The following TENM1 variants were observed in gnomAD, a reference collection of about 807,000 sequenced individuals.
TENM1 encodes the protein teneurin transmembrane protein 1, also known as teneurin-1.
Under a neutral mutation model 174.8 loss-of-function variants are expected in TENM1, and 35 were observed. That is an observed-to-expected ratio of 0.20 (90% CI 0.15 to 0.27). TENM1 has a LOEUF of 0.27. Ranked by LOEUF, TENM1 falls within the 10% of genes least tolerant of loss-of-function variation. The pLI is 1.00. For synonymous variants in TENM1, 781 were observed against 798.7 expected, an observed-to-expected ratio of 0.98 and a Z score of 0.37; for missense variants, 1,633 against 2,130.1, an observed-to-expected ratio of 0.77 and a Z score of 4.59.
At chrX:124,674,595 G>A (rs781514144) in intron 5 of TENM1, among the ~76,000 whole-genome samples, 3 of 111,412 alleles carry the variant, frequency 2.7e-5, no homozygotes, top group Middle Eastern at 4.7e-3. Context: ...GCTGCCTGAT[G>A]AATTTCTCTT....
chrX:124,833,660 A>T (rs1256585477), intron 3 of TENM1, among the ~76,000 whole-genome samples: 1 of 111,446 alleles, frequency 9.0e-6, no homozygotes, highest in Non-Finnish European at 1.9e-5. Flanking sequence ...TACACAAATA[A>T]TATTGTATAC....
At chrX:125,088,058 G>C in the TENM1 span, among the ~76,000 whole-genome samples, 1 of 110,915 alleles carries the variant, frequency 9.0e-6, no homozygotes, top group Non-Finnish European at 1.9e-5. Flanking sequence ...CCCTCTACCA[G>C]GTGATCTAAG....
chrX:124,921,678 G>A (rs958406555), intron 1 of TENM1, among the ~76,000 whole-genome samples: 1 of 110,886 alleles, frequency 9.0e-6, no homozygotes, highest in African/African-American at 3.3e-5. Flanking sequence ...TCTGGATCTT[G>A]TTAGTCCTCC....
the TENM1 span, among the ~76,000 whole-genome samples, chrX:125,051,256 T>C: frequency 9.0e-6 from 1 of 111,207 alleles, no homozygotes; most frequent in African/African-American, 3.3e-5. Context: ...AATATGAAAA[T>C]GGCCATGCTG....
the TENM1 span, among the ~76,000 whole-genome samples, chrX:125,001,914 G>C: frequency 6.0e-5 from 4 of 66,529 alleles, no homozygotes; most frequent in African/African-American, 5.9e-5. Context: ...CAGTCCATCT[G>C]TCTAGAGAGA....
intron 15 of TENM1, among the ~76,000 whole-genome samples, chrX:124,542,358 G>A (rs1264742052): frequency 3.6e-5 from 4 of 111,070 alleles, no homozygotes; most frequent in South Asian, 3.8e-4. Flanking sequence ...ATCCTAGGGT[G>A]AACCAAGAAA....
the TENM1 span, among the ~76,000 whole-genome samples, chrX:125,092,299 G>C: frequency 1.8e-5 from 2 of 111,394 alleles, no homozygotes; most frequent in Non-Finnish European, 3.8e-5. Context: ...ATCAAAAAAA[G>C]GATTGGGAAA....
intron 5 of TENM1, 89 bp from the exon 9 acceptor site, chrX:124,671,924 C>T (rs1446872639): frequency 1.3e-5 from 13 of 1,015,792 alleles, no homozygotes; most frequent in East Asian, 6.2e-5. Flanking sequence ...AAAAATGTTA[C>T]GAACAGTTTT....
At chrX:124,619,263 G>T (rs1413963219) in intron 11 of TENM1, among the ~76,000 whole-genome samples, 1 of 111,438 alleles carries the variant, frequency 9.0e-6, no homozygotes, top group Non-Finnish European at 1.9e-5. Flanking sequence ...ATACTTTTCT[G>T]TACTTTTTAA....
the TENM1 span, among the ~76,000 whole-genome samples, chrX:125,003,481 T>A: frequency 8.9e-6 from 1 of 111,900 alleles, no homozygotes; most frequent in African/African-American, 3.2e-5. Flanking sequence ...CAAAGCTTTA[T>A]GGATTTCTCT....
chrX:124,739,172 C>G (rs2053745801), intron 3 of TENM1, among the ~76,000 whole-genome samples: 1 of 109,185 alleles, frequency 9.2e-6, no homozygotes, highest in South Asian at 3.9e-4. Context: ...TGCCTCTACC[C>G]TTTAGAAGCT....
rs183229378 is a variant in TENM1, at chrX:124,718,777, A to T, written c.777-13526T>A. Among the ~76,000 whole-genome samples, 539 of 112,090 alleles carry T rather than the reference A, an allele frequency of 4.8e-3. 6 individuals are homozygous for T. The highest frequency in any genetic ancestry group is 0.017 in the African/African-American group (511 of 30,869). The stretch of plus-strand genomic sequence containing the variant: ...GTAAAAAGTGATCCAGCAACAATAG[A>T]TTTTGTCTTACCAGTACCAGGACTA... On this transcript the variant is annotated intron_variant, in intron 4 of 31. Coordinates refer to ENST00000422452, the Ensembl canonical transcript of TENM1.
intron 11 of TENM1, among the ~76,000 whole-genome samples, chrX:124,591,873 G>A (rs1044773157): frequency 1.8e-5 from 2 of 111,249 alleles, no homozygotes; most frequent in East Asian, 5.6e-4. Context: ...TCACATTTTG[G>A]TTGCTATATA....
At chrX:125,044,630 G>A in the TENM1 span, among the ~76,000 whole-genome samples, 3 of 110,625 alleles carry the variant, frequency 2.7e-5, no homozygotes, top group South Asian at 3.8e-4. Flanking sequence ...AATGAATTTC[G>A]TAAGCCTGAG....
intron 11 of TENM1, among the ~76,000 whole-genome samples, chrX:124,626,386 A>G (rs937612414): frequency 2.7e-5 from 3 of 111,146 alleles, no homozygotes; most frequent in African/African-American, 9.8e-5. Context: ...TCTTGTTTTT[A>G]GCACAGGTAT....
intron 5 of TENM1, among the ~76,000 whole-genome samples, chrX:124,703,166 A>G (rs2052814787): frequency 8.9e-6 from 1 of 111,809 alleles, no homozygotes. Flanking sequence ...TGTTTTACAG[A>G]TGAGGAAATG....
At chrX:124,475,856 C>T (rs2061381829) in intron 22 of TENM1, among the ~76,000 whole-genome samples, 1 of 111,807 alleles carries the variant, frequency 8.9e-6, no homozygotes. Context: ...ATCTCTCCTG[C>T]TTCAAATCCT....
At chrX:124,671,169 AT>A (rs1055439940) in intron 6 of TENM1, among the ~76,000 whole-genome samples, 174 of 108,034 alleles carry the variant, frequency 1.6e-3, no homozygotes, top group Admixed American at 4.2e-3. Flanking sequence ...ACTCAAAGTG[AT>A]TTTTTTTTTC....
At chrX:124,507,091 C>T (rs1399795015) in intron 18 of TENM1, among the ~76,000 whole-genome samples, 1 of 110,127 alleles carries the variant, frequency 9.1e-6, no homozygotes, top group African/African-American at 3.3e-5. Flanking sequence ...GGAGTAGGGA[C>T]TAGGGAGAAT....
Sources: gnomAD v4.1 joint callset for allele counts (sites outside exome capture counted in the v4.1 genomes callset) on GRCh38, gnomAD v4.1.1 for gene constraint, MANE v1.5 for transcripts, NCBI Gene and HGNC (gene_info 2026-07-23, HGNC 2026-07-21) for gene names.